Variants in CACNA1A observed in about 807,000 individuals in gnomAD.
The protein encoded by CACNA1A is calcium voltage-gated channel subunit alpha1 A, also known as voltage-dependent P/Q-type calcium channel subunit alpha-1A.
CACNA1A carries 57 observed loss-of-function variants against 262.4 expected under a neutral mutation model. That is an observed-to-expected ratio of 0.22 (90% CI 0.18 to 0.27). The LOEUF is 0.27. Ranked by LOEUF, CACNA1A falls within the 10% of genes least tolerant of loss-of-function variation. The pLI is 1.00. For missense variants in CACNA1A, 2,526 were observed against 3,562.8 expected (o/e 0.71, Z 7.41); for synonymous variants, 1,431 against 1,419.3 (o/e 1.01, Z -0.18).
intron 19 of CACNA1A, 44 bp downstream of exon 19, chr19:13,298,500 T>C: frequency 6.8e-7 from 1 of 1,478,388 alleles, no homozygotes; most frequent in Non-Finnish European, 9.2e-7. Flanking sequence ...TTGTCATTAT[T>C]AATGTTACCG....
At chr19:13,401,311 G>C (rs1283119472) in intron 3 of CACNA1A, among the ~76,000 whole-genome samples, 1 of 152,204 alleles carries the variant, frequency 6.6e-6, no homozygotes, top group Non-Finnish European at 1.5e-5. Flanking sequence ...GTGACCTTGG[G>C]CAAGATATTT....
At chr19:13,222,002 G>A (rs1309002981) in intron 38 of CACNA1A, among the ~76,000 whole-genome samples, 3 of 152,138 alleles carry the variant, frequency 2.0e-5, no homozygotes, top group South Asian at 2.1e-4. Flanking sequence ...TGCCTCCCGG[G>A]TTCAAGTGAT....
chr19:13,361,441 A>G (rs1235841753), intron 5 of CACNA1A, among the ~76,000 whole-genome samples: 1 of 152,208 alleles, frequency 6.6e-6, no homozygotes, highest in Non-Finnish European at 1.5e-5. Flanking sequence ...AGAGGACCTT[A>G]TTCTGTGAGC....
chr19:13,234,674 C>A, intron 34 of CACNA1A: 1 of 505,148 alleles, frequency 2.0e-6, no homozygotes, highest in Non-Finnish European at 3.6e-6. Context: ...CTGGCCACCC[C>A]CACACCAGAA....
intron 10 of CACNA1A, among the ~76,000 whole-genome samples, chr19:13,323,514 T>G (rs1310739773): frequency 1.3e-5 from 2 of 152,092 alleles, no homozygotes; most frequent in African/African-American, 4.8e-5. Flanking sequence ...CAGGGTGGAG[T>G]GCAGTGATGC....
chr19:13,215,883 C>T (rs533025532), intron 38 of CACNA1A, among the ~76,000 whole-genome samples: 59 of 152,216 alleles, frequency 3.9e-4, no homozygotes, highest in Admixed American at 9.8e-4. Flanking sequence ...AAGGCTGGGA[C>T]GCCCTGGAGC....
At chr19:13,334,890 T>C (rs1462498557) in intron 7 of CACNA1A, among the ~76,000 whole-genome samples, 1 of 151,814 alleles carries the variant, frequency 6.6e-6, no homozygotes, top group Non-Finnish European at 1.5e-5. Context: ...AAAATGTAGC[T>C]GGGCATGGTG....
chr19:13,266,781 A>C (rs569294959), intron 24 of CACNA1A, among the ~76,000 whole-genome samples: 1 of 152,022 alleles, frequency 6.6e-6, no homozygotes, highest in South Asian at 2.1e-4. Context: ...CACCATGTTG[A>C]CCAGGCTGGT....
At chr19:13,347,565 G>A (rs1041842641) in intron 6 of CACNA1A, among the ~76,000 whole-genome samples, 2 of 152,082 alleles carry the variant, frequency 1.3e-5, no homozygotes. Flanking sequence ...ATTCACTTAC[G>A]CGCTTTATCT....
chr19:13,360,265 G>GTGTGTATATATATATATATATATATATA (rs941666561), intron 5 of CACNA1A, among the ~76,000 whole-genome samples: 4 of 124,200 alleles, frequency 3.2e-5, no homozygotes, highest in South Asian at 2.5e-4. Flanking sequence ...GTGTGTGTGT[G>GTGTGTATATATATATATATATATATATA]TATATATATA....
intron 19 of CACNA1A, among the ~76,000 whole-genome samples, chr19:13,297,430 T>C (rs200360217): frequency 1.3e-5 from 2 of 152,192 alleles, no homozygotes; most frequent in South Asian, 2.1e-4. Flanking sequence ...TCCGAACACT[T>C]TGGGAGACTG....
intron 1 of CACNA1A, among the ~76,000 whole-genome samples, chr19:13,504,987 G>A (rs2145188086): frequency 6.6e-6 from 1 of 152,074 alleles, no homozygotes; most frequent in South Asian, 2.1e-4. Context: ...AATTTAAAAG[G>A]CATTTACCTA....
At chr19:13,379,530 C>T (rs982979285) in intron 3 of CACNA1A, among the ~76,000 whole-genome samples, 5 of 152,032 alleles carry the variant, frequency 3.3e-5, no homozygotes, top group Admixed American at 6.6e-5. Flanking sequence ...GGGGAAAGGA[C>T]GCGTCAGTGA....
chr19:13,464,674 G>C (rs1165422333), intron 1 of CACNA1A, among the ~76,000 whole-genome samples: 4 of 150,680 alleles, frequency 2.7e-5, no homozygotes, highest in African/African-American at 9.8e-5. Context: ...TCAGCCTCCC[G>C]AGTAGCTGGG....
At chr19:13,460,642 T>C (rs2061104220) in intron 1 of CACNA1A, among the ~76,000 whole-genome samples, 1 of 151,606 alleles carries the variant, frequency 6.6e-6, no homozygotes, top group Non-Finnish European at 1.5e-5. Context: ...CTCCCTCCCC[T>C]CATCTCCTCT....
intron 3 of CACNA1A, among the ~76,000 whole-genome samples, chr19:13,441,728 C>T (rs1461979873): frequency 6.6e-6 from 1 of 151,806 alleles, no homozygotes; most frequent in Non-Finnish European, 1.5e-5. Flanking sequence ...ATCTTGGTCT[C>T]CCGGCTTCAA....
At chr19:13,376,875 T>TATAA (rs2059427037) in intron 3 of CACNA1A, among the ~76,000 whole-genome samples, 1 of 142,420 alleles carries the variant, frequency 7.0e-6, no homozygotes, top group African/African-American at 2.5e-5. Flanking sequence ...GTGATATATA[T>TATAA]AACACATGAT....
chr19:13,263,086 TG>T, intron 24 of CACNA1A: 1 of 495,144 alleles, frequency 2.0e-6, no homozygotes, highest in Non-Finnish European at 3.7e-6. Context: ...GCCATCTGGC[TG>T]GGCCTGAGCA....
chr19:13,304,676 A>G (rs1600285392), intron 15 of CACNA1A, among the ~76,000 whole-genome samples: 1 of 146,544 alleles, frequency 6.8e-6, no homozygotes, highest in African/African-American at 2.5e-5. Context: ...AAAAAAAAAA[A>G]AAGAACAGGA....
Sources: gnomAD v4.1 joint callset for allele counts (sites outside exome capture counted in the v4.1 genomes callset) on GRCh38, gnomAD v4.1.1 for gene constraint, MANE v1.5 for transcripts, NCBI Gene and HGNC (gene_info 2026-07-23, HGNC 2026-07-21) for gene names.